The following FER variants were observed in gnomAD, a reference collection of about 807,000 sequenced individuals.
FER encodes FER tyrosine kinase.
A neutral mutation model predicts 111.0 loss-of-function variants in FER; 63 were observed. That is an observed-to-expected ratio of 0.57 (90% confidence interval 0.46 to 0.70). The LOEUF (loss-of-function observed/expected upper bound fraction) is 0.70, where lower values mean the gene tolerates loss of function less well. Ranked by LOEUF, FER falls within the 30% of genes least tolerant of loss-of-function variation. FER has a pLI of 0.00. For synonymous variants in FER, 327 were observed against 313.9 expected (o/e 1.04, Z -0.44); for missense variants, 914 against 954.0 (o/e 0.96, Z 0.55).
At chr5:108,850,784 A>T (rs930595800) in intron 5 of FER, among the ~76,000 whole-genome samples, 9 of 152,206 alleles carry the variant, frequency 5.9e-5, no homozygotes, top group African/African-American at 1.9e-4. Flanking sequence ...CACAAAAATT[A>T]ATAATGGTCA....
chr5:109,125,091 T>G (rs1460186634), intron 17 of FER, among the ~76,000 whole-genome samples: 2 of 149,598 alleles, frequency 1.3e-5, no homozygotes, highest in Non-Finnish European at 3.0e-5. Context: ...TGACTGCTAA[T>G]CAGTAGGAAA....
At chr5:108,862,358 ATGT>A (rs1342778757) in intron 5 of FER, among the ~76,000 whole-genome samples, 39 of 152,244 alleles carry the variant, frequency 2.6e-4, no homozygotes, top group Non-Finnish European at 5.0e-4. Flanking sequence ...TGAGTGTTGT[ATGT>A]TTAGTGAATC....
At chr5:109,172,077 A>C (rs189689923) in intron 17 of FER, among the ~76,000 whole-genome samples, 4 of 152,102 alleles carry the variant, frequency 2.6e-5, no homozygotes, top group Non-Finnish European at 5.9e-5. Context: ...TCAGTGTGGC[A>C]ATTCCTCAGG....
chr5:109,044,826 TTTA>T (rs1771720216), intron 15 of FER, 31 bp downstream of exon 15: 1 of 1,054,748 alleles, frequency 9.5e-7, no homozygotes, highest in South Asian at 1.6e-5. Context: ...AAAATATGTA[TTTA>T]TTATGTAAAT....
chr5:109,154,669 A>G (rs1465417567), intron 17 of FER, among the ~76,000 whole-genome samples: 1 of 151,932 alleles, frequency 6.6e-6, no homozygotes, highest in Non-Finnish European at 1.5e-5. Flanking sequence ...AAGGAAAAGT[A>G]CTATTCGACA....
intron 14 of FER, among the ~76,000 whole-genome samples, chr5:109,038,105 T>G (rs1022496493): frequency 4.6e-5 from 7 of 151,922 alleles, no homozygotes; most frequent in African/African-American, 1.7e-4. Context: ...GTCAAGTATA[T>G]GTTATTTAAC....
At chr5:109,075,327 T>C (rs1032801733) in intron 16 of FER, among the ~76,000 whole-genome samples, 4 of 152,192 alleles carry the variant, frequency 2.6e-5, no homozygotes, top group African/African-American at 9.7e-5. Context: ...GTAAAACTGA[T>C]CTGTAAATCA....
At chr5:108,880,858 C>T (rs998459684) in intron 8 of FER, among the ~76,000 whole-genome samples, 5 of 151,912 alleles carry the variant, frequency 3.3e-5, no homozygotes, top group South Asian at 2.1e-4. Flanking sequence ...AAATTTATGA[C>T]GTTGTTTCAC....
intron 17 of FER, among the ~76,000 whole-genome samples, chr5:109,179,266 G>C (rs1758025509): frequency 6.6e-6 from 1 of 152,132 alleles, no homozygotes; most frequent in South Asian, 2.1e-4. Flanking sequence ...GTGAAAACAG[G>C]TATCCTTGCT....
chr5:109,022,176 T>A (rs927331279), intron 13 of FER, among the ~76,000 whole-genome samples: 3 of 152,060 alleles, frequency 2.0e-5, no homozygotes, highest in Admixed American at 6.6e-5. Context: ...ATATTTCCTG[T>A]TCCAGCAACC....
chr5:109,175,662 A>G (rs1309985999), intron 17 of FER, among the ~76,000 whole-genome samples: 2 of 152,238 alleles, frequency 1.3e-5, no homozygotes, highest in Non-Finnish European at 2.9e-5. Flanking sequence ...TGAAGAGACA[A>G]CCTGTAGAAT....
At chr5:108,987,028 C>A (rs759476852) in intron 13 of FER, among the ~76,000 whole-genome samples, 5 of 151,750 alleles carry the variant, frequency 3.3e-5, no homozygotes, top group Non-Finnish European at 4.4e-5. Flanking sequence ...TTGTAGATTG[C>A]TCTTGGTAAT....
intron 16 of FER, among the ~76,000 whole-genome samples, chr5:109,090,837 A>C (rs919289319): frequency 2.0e-5 from 3 of 152,164 alleles, no homozygotes; most frequent in Non-Finnish European, 4.4e-5. Context: ...AGAAAACCTA[A>C]GGGACTTATG....
intron 13 of FER, among the ~76,000 whole-genome samples, chr5:109,016,884 C>T (rs927458238): frequency 2.6e-5 from 4 of 151,918 alleles, no homozygotes; most frequent in African/African-American, 9.7e-5. Context: ...AGAATGGCCT[C>T]CTAATTCAAT....
chr5:108,920,422 T>C (rs973712103), intron 10 of FER, among the ~76,000 whole-genome samples: 5 of 152,142 alleles, frequency 3.3e-5, no homozygotes, highest in Non-Finnish European at 7.4e-5. Flanking sequence ...ATAAAGATTG[T>C]CTTCAAATTT....
intron 3 of FER, among the ~76,000 whole-genome samples, chr5:108,828,261 G>A (rs1401423414): frequency 3.3e-5 from 5 of 152,156 alleles, no homozygotes; most frequent in Admixed American, 2.0e-4. Flanking sequence ...AAGCACTTTT[G>A]ATAATTCAGG....
intron 2 of FER, among the ~76,000 whole-genome samples, chr5:108,773,847 A>T (rs1753192127): frequency 6.6e-6 from 1 of 152,066 alleles, no homozygotes; most frequent in Non-Finnish European, 1.5e-5. Context: ...CCACAACCTC[A>T]CCAACATCTG....
At chr5:108,859,429 G>A (rs1448699122) in intron 5 of FER, among the ~76,000 whole-genome samples, 1 of 152,160 alleles carries the variant, frequency 6.6e-6, no homozygotes, top group African/African-American at 2.4e-5. Flanking sequence ...TTGGGAGGGG[G>A]AGAGATCATT....
At chr5:109,011,897 T>C (rs1011505839) in intron 13 of FER, among the ~76,000 whole-genome samples, 4 of 152,234 alleles carry the variant, frequency 2.6e-5, no homozygotes, top group African/African-American at 9.6e-5. Context: ...ATCCTTTCTT[T>C]AGCCTCTGTT....
Sources: allele counts gnomAD v4.1 joint callset (sites outside exome capture counted in the v4.1 genomes callset), GRCh38; gene constraint gnomAD v4.1.1; transcripts MANE v1.5; gene names NCBI Gene and HGNC (gene_info 2026-07-23, HGNC 2026-07-21).